The following PINX1 variants were observed in gnomAD, a reference collection of about 807,000 sequenced individuals.
PINX1 encodes PIN2 (TERF1) interacting telomerase inhibitor 1.
In PINX1, 34 loss-of-function variants were observed where a neutral mutation model predicts 25.4. That is an observed-to-expected ratio of 1.34 (90% CI 1.02 to 1.78). The LOEUF is 1.78. Ranked by LOEUF, PINX1 falls within the 40% of genes most tolerant of loss-of-function variation. PINX1 has a pLI of 0.00. For missense variants in PINX1, 592 were observed against 404.9 expected, an observed-to-expected ratio of 1.46 and a Z score of -3.97; for synonymous variants, 197 against 147.7, an observed-to-expected ratio of 1.33 and a Z score of -2.42.
intron 6 of PINX1, among the ~76,000 whole-genome samples, chr8:10,768,545 G>C (rs1027145514): frequency 6.6e-6 from 1 of 152,218 alleles, no homozygotes; most frequent in Non-Finnish European, 1.5e-5. Flanking sequence ...GCAGGGCATG[G>C]AGACAGGCTA....
chr8:10,839,401 T>G (rs1173923075), intron 1 of PINX1, among the ~76,000 whole-genome samples: 2 of 152,056 alleles, frequency 1.3e-5, no homozygotes, highest in African/African-American at 4.8e-5. Flanking sequence ...AGGTCCGGGG[T>G]GGGTGAAGCA....
intron 6 of PINX1, among the ~76,000 whole-genome samples, chr8:10,810,000 A>T (rs1418796132): frequency 7.9e-5 from 12 of 152,206 alleles, no homozygotes; most frequent in African/African-American, 2.7e-4. Context: ...TGGAAGGAGA[A>T]GGGAGAGCCA....
intron 6 of PINX1, among the ~76,000 whole-genome samples, chr8:10,808,677 G>C (rs985162260): frequency 1.3e-5 from 2 of 152,220 alleles, no homozygotes; most frequent in Non-Finnish European, 2.9e-5. Flanking sequence ...ATGTGGACCA[G>C]AAGCTGGAGA....
rs368532527 is a variant in PINX1 at position 10,834,657 on chromosome 8, C to T, written c.129+9G>A. 6.2e-7 allele frequency: 1 copy of T among 1,611,248 alleles called. No individual in the cohort carries two copies. The highest frequency in any genetic ancestry group is 1.1e-5 in the South Asian group (1 of 90,240). Reference sequence around the variant, plus strand: ...AGCTCAGATTTTTTTCCGCTTTTCTCCAAAATACCTTTCCTTTAGACCACC... The same window carrying T: ...AGCTCAGATTTTTTTCCGCTTTTCTTCAAAATACCTTTCCTTTAGACCACC... On this transcript the variant is annotated intron_variant, in intron 2 of 6. Coordinates refer to ENST00000314787, the MANE Select transcript of PINX1 (RefSeq NM_017884.6).
chr8:10,799,877 G>C (rs893100460), intron 6 of PINX1, among the ~76,000 whole-genome samples: 1 of 152,176 alleles, frequency 6.6e-6, no homozygotes, highest in African/African-American at 2.4e-5. Context: ...AAGCTGAATA[G>C]GGAACATGTT....
At position 10,769,830 on chromosome 8, in the gene PINX1, T is replaced by C. The variant is rs143491023; in HGVS notation, c.472-3914A>G. 3.7e-3 allele frequency among the ~76,000 whole-genome samples: 562 copies of C among 152,296 alleles called. 3 individuals carry two copies. Among genetic ancestry groups the C allele is most frequent in the African/African-American group, 0.013 (531 of 41,570 alleles). ...ACCCCGACTCCTAGCTCCCACCTCA[T>C]GGACTGCCTTGTCACCTTTCCTCTC... On this transcript the variant is annotated intron_variant, in intron 6 of 6. Transcript: ENST00000314787.
intron 6 of PINX1, among the ~76,000 whole-genome samples, chr8:10,775,410 G>GTTTTTTTTT (rs143926728): frequency 1.5e-4 from 16 of 109,610 alleles, no homozygotes; most frequent in African/African-American, 2.2e-4. Context: ...CTGTTTTGTG[G>GTTTTTTTTT]TTTTTTTTTT....
Position 10,791,229 on chromosome 8 carries a change from G to A in PINX1, c.472-25313C>T, listed in dbSNP as rs147985715. On this transcript the variant is annotated intron_variant, in intron 6 of 6. Coordinates refer to ENST00000314787, the MANE Select transcript of PINX1 (RefSeq NM_017884.6). ...GCCCAGCCAAAATCCCCCCTTTTTAGATCCTCAGCTTATTTTTCAACACCC... is the reference window on the plus strand; with the variant it reads ...GCCCAGCCAAAATCCCCCCTTTTTAAATCCTCAGCTTATTTTTCAACACCC... Among the ~76,000 whole-genome samples, 686 of 152,192 alleles carry A rather than the reference G, an allele frequency of 4.5e-3. 5 individuals carry two copies. The highest frequency in any genetic ancestry group is 0.021 in the South Asian group (101 of 4,810).
chr8:10,831,364 G>C (rs7000939), intron 4 of PINX1, among the ~76,000 whole-genome samples: 66,082 of 152,020 alleles, frequency 0.43, 16,148 homozygotes, highest in African/African-American at 0.67. Flanking sequence ...AAGCTCTAGT[G>C]TTCTATAGCA....
At position 10,794,360 on chromosome 8, in the gene PINX1, T is replaced by A. The variant is rs1220553104; in HGVS notation, c.471+25833A>T. Among the ~76,000 whole-genome samples, 7 of 152,176 alleles carry A rather than the reference T, an allele frequency of 4.6e-5. No individual in the cohort carries two copies. In the East Asian group the frequency reaches 1.3e-3, roughly 29 times the overall value. ...GTAACTTTTGTTTATTCACAAAAAG[T>A]AGCTTCATCATATATTGACTTAAAA... On this transcript the variant is annotated intron_variant, in intron 6 of 6. Transcript: ENST00000314787.
intron 6 of PINX1, among the ~76,000 whole-genome samples, chr8:10,817,525 T>C (rs565029332): frequency 6.6e-6 from 1 of 152,364 alleles, no homozygotes; most frequent in South Asian, 2.1e-4. Context: ...AAGATAAATG[T>C]AGAGGTCATT....
intron 5 of PINX1, among the ~76,000 whole-genome samples, chr8:10,823,944 A>G (rs1025112254): frequency 1.3e-5 from 2 of 152,248 alleles, no homozygotes; most frequent in Non-Finnish European, 2.9e-5. Context: ...TTCCCAAGCT[A>G]TGTACAATTG....
At chr8:10,770,923 T>G (rs1360407308) in intron 6 of PINX1, among the ~76,000 whole-genome samples, 1 of 152,222 alleles carries the variant, frequency 6.6e-6, no homozygotes, top group Non-Finnish European at 1.5e-5. Flanking sequence ...ACAGTAATCC[T>G]TCAATGAACT....
chr8:10,811,266 C>T (rs561628745), intron 6 of PINX1, among the ~76,000 whole-genome samples: 11 of 152,298 alleles, frequency 7.2e-5, no homozygotes, highest in African/African-American at 1.4e-4. Flanking sequence ...GCATATGAAA[C>T]GAGATCTCAA....
Position 10,820,264 on chromosome 8 carries a change from C to G in PINX1, c.400G>C (p.Asp134His). ...VHYMKFTKGK[D>H]LSSRSKTDLD... ...TCTGTTTTGCTCCGAGATGACAGATCCTTCCCTAGAAAAACAATGTGATGC... is the reference window on the plus strand; with the variant it reads ...TCTGTTTTGCTCCGAGATGACAGATGCTTCCCTAGAAAAACAATGTGATGC... Residue 134 changes from aspartate (D) to histidine (H), a missense_variant, in exon 6 of 7, where the codon GAT becomes CAT. Transcript: ENST00000314787. 6.2e-7 allele frequency: 1 copy of G among 1,609,198 alleles called. No individual in the cohort carries two copies. The highest frequency in any genetic ancestry group is 8.5e-7 in the Non-Finnish European group (1 of 1,175,946).
intron 1 of PINX1, 51 bp from the exon 2 acceptor site, chr8:10,834,826 T>G: frequency 7.7e-7 from 1 of 1,306,670 alleles, no homozygotes; most frequent in Non-Finnish European, 1.1e-6. Context: ...ACCCGGAAAA[T>G]ACCACACAAA....
Position 10,765,624 on chromosome 8 carries a change from G to C in PINX1, c.764C>G (p.Ala255Gly), listed in dbSNP as rs377260866. 1.4e-5 allele frequency: 22 copies of C among 1,613,664 alleles called. No individual in the cohort carries two copies. The African/African-American group carries it at 2.8e-4, about 21-fold the overall frequency. ...AQERVAKKKS[A>G]PAEEQLRGPC... ...GCCTCTGAGCTGCTCTTCTGCTGGC[G>C]CGCTCTTCTTCTTGGCCACTCGCTC... Residue 255 changes from alanine (A) to glycine (G), a missense_variant, in exon 7 of 7, where the codon GCG becomes GGG. Ala to Gly is a moderately conservative substitution (Grantham distance 60). Coordinates refer to ENST00000314787, the MANE Select transcript of PINX1 (RefSeq NM_017884.6).
intron 6 of PINX1, among the ~76,000 whole-genome samples, chr8:10,785,527 A>C (rs1482597342): frequency 1.3e-5 from 2 of 152,252 alleles, no homozygotes; most frequent in African/African-American, 4.8e-5. Context: ...AAGCAATAGG[A>C]TAGCACTCAC....
rs1563244573 is a variant in PINX1, at chr8:10,839,757, G to C, written c.-1C>G. On this transcript the variant is annotated 5_prime_UTR_variant, in exon 1 of 7. Coordinates refer to ENST00000314787, the MANE Select transcript of PINX1 (RefSeq NM_017884.6). ...ACTCACGTTCAGCCAGCATAGACAT[G>C]TCGGAGAGCCTGTGATACCGCCGCC... The C allele has an allele frequency of 7.5e-6, 12 of 1,604,428 alleles. No individual in the cohort carries two copies. The South Asian group carries it at 1.1e-4, about 15-fold the overall frequency.
Sources: gnomAD v4.1 joint callset for allele counts (sites outside exome capture counted in the v4.1 genomes callset) on GRCh38, gnomAD v4.1.1 for gene constraint, MANE v1.5 for transcripts, NCBI Gene and HGNC (gene_info 2026-07-23, HGNC 2026-07-21) for gene names.